Variants in SMARCA1 observed in about 807,000 individuals in gnomAD.
SMARCA1 encodes the protein SWI/SNF-related matrix-associated actin-dependent regulator of chromatin subfamily A member 1.
In SMARCA1, 17 loss-of-function variants were observed where a neutral mutation model predicts 93.6. The observed-to-expected ratio is 0.18, with a 90% CI of 0.12 to 0.27. SMARCA1 has a LOEUF of 0.27. Among genes scored for constraint, SMARCA1 ranks in the 10% least tolerant of loss-of-function variants. SMARCA1 has a pLI of 1.00. For missense variants in SMARCA1, 630 were observed against 819.0 expected (o/e 0.77, Z 2.82); for synonymous variants, 271 against 271.4 (o/e 1.00, Z 0.01).
At chrX:129,516,064 T>C (rs1220526852) in intron 3 of SMARCA1, 70 bp from the exon 4 acceptor site, 4 of 785,482 alleles carry the variant, frequency 5.1e-6, no homozygotes, top group Non-Finnish European at 7.5e-6. Context: ...TCAGTGTACA[T>C]GGCTATTATC....
In SMARCA1 at chrX:129,506,175, G is replaced by A. The variant is rs770129426; in HGVS notation, c.1003C>T (p.Arg335Cys). The change falls in exon 8 of 25, where the codon CGC becomes TGC. Residue 335 changes from arginine to cysteine, a missense_variant. Arg to Cys is a radical substitution (Grantham distance 180, BLOSUM62 -3). This residue lies in a region of SMARCA1 where 382 missense variants were observed against 537.9 expected (regional missense o/e 0.71). Transcript: ENST00000371121. ...AAAGGTGTTCCAGTTAGGAGCAAGCGGTTAGTCGACTTGAACTCACGAACA... is the reference window on the plus strand; with the variant it reads ...AAAGGTGTTCCAGTTAGGAGCAAGCAGTTAGTCGACTTGAACTCACGAACA... ...EIVREFKSTN[R>C]LLLTGTPLQN... The A allele has an allele frequency of 1.8e-5, 21 of 1,192,071 alleles. No individual in the cohort carries two copies. Among genetic ancestry groups the A allele is most frequent in the South Asian group, 1.2e-4 (7 of 56,060 alleles).
intron 23 of SMARCA1, among the ~76,000 whole-genome samples, chrX:129,451,949 C>T (rs1352602238): frequency 9.0e-6 from 1 of 111,668 alleles, no homozygotes; most frequent in Non-Finnish European, 1.9e-5. Flanking sequence ...GTGATCCACC[C>T]ACCTTGGCCT....
intron 7 of SMARCA1, among the ~76,000 whole-genome samples, chrX:129,507,623 G>A (rs911209639): frequency 2.7e-5 from 3 of 112,142 alleles, no homozygotes; most frequent in Admixed American, 1.9e-4. Flanking sequence ...GTGCGATCTC[G>A]GCTCACTGCA....
At chrX:129,508,938 A>G (rs1934923741) in intron 6 of SMARCA1, among the ~76,000 whole-genome samples, 1 of 111,810 alleles carries the variant, frequency 8.9e-6, no homozygotes, top group African/African-American at 3.2e-5. Context: ...CTGTAATGTC[A>G]GCACTTTGGG....
intron 19 of SMARCA1, among the ~76,000 whole-genome samples, chrX:129,477,134 T>TCCA (rs1227889169): frequency 1.8e-5 from 2 of 111,686 alleles, no homozygotes; most frequent in East Asian, 2.8e-4. Flanking sequence ...TGGTTCTCCT[T>TCCA]CCACCACCAC....
chrX:129,471,098 G>A (rs1439264833), intron 20 of SMARCA1, 106 bp downstream of exon 20: 2 of 546,786 alleles, frequency 3.7e-6, no homozygotes, highest in Admixed American at 4.0e-5. Flanking sequence ...AGTTTTGTTG[G>A]TGTGTCACAC....
At chrX:129,498,112 G>C in intron 10 of SMARCA1, 41 bp from the exon 11 acceptor site, 1 of 778,061 alleles carries the variant, frequency 1.3e-6, no homozygotes, top group Non-Finnish European at 2.0e-6. Flanking sequence ...TTACTAGAAA[G>C]TTAATGTCAT....
chrX:129,522,614 GT>G (rs1358981486), intron 1 of SMARCA1, among the ~76,000 whole-genome samples: 15 of 111,043 alleles, frequency 1.4e-4, no homozygotes, highest in African/African-American at 4.3e-4. Flanking sequence ...ACAAGGGATG[GT>G]TTTTTTCCTG....
intron 12 of SMARCA1, among the ~76,000 whole-genome samples, chrX:129,495,562 C>T (rs1934288654): frequency 9.1e-6 from 1 of 110,001 alleles, no homozygotes; most frequent in African/African-American, 3.3e-5. Context: ...TTTGTAGAGA[C>T]CGGGTCTCGC....
rs1935488434 is a variant in SMARCA1, at chrX:129,523,311, A to G, written c.60T>C (p.Thr20=). 1 of 1,204,386 alleles carries G rather than the reference A, an allele frequency of 8.3e-7. No homozygotes were observed. The highest frequency in any genetic ancestry group is 1.1e-6 in the Non-Finnish European group (1 of 893,028). The part of the protein sequence containing the change: ...ATVAAADATA[T]IVVIEDEQPG... ...GCTGCTCGTCCTCTATGACCACGAT[A>G]GTGGCGGTCGCATCCGCGGCTGCCA... The change falls in exon 1 of 25, where the codon ACT becomes ACC. Residue 20 remains threonine, a synonymous_variant. Coordinates refer to ENST00000371121, the MANE Select transcript of SMARCA1 (RefSeq NM_001282874.2).
At chrX:129,460,370 G>A (rs937815791) in intron 23 of SMARCA1, among the ~76,000 whole-genome samples, 8 of 110,090 alleles carry the variant, frequency 7.3e-5, no homozygotes, top group Non-Finnish European at 9.5e-5. Flanking sequence ...ATATTAGGCC[G>A]GGCACGGTGT....
intron 12 of SMARCA1, among the ~76,000 whole-genome samples, chrX:129,495,854 C>T (rs1934305409): frequency 9.5e-6 from 1 of 104,771 alleles, no homozygotes; most frequent in Non-Finnish European, 1.9e-5. Context: ...CTCAATGCAA[C>T]CTCCGCCTCC....
At chrX:129,507,914 A>G in intron 7 of SMARCA1, 27 bp downstream of exon 7, 1 of 982,742 alleles carries the variant, frequency 1.0e-6, no homozygotes, top group Non-Finnish European at 1.4e-6. Context: ...TTAAATGTAA[A>G]CTTTAATAAA....
intron 19 of SMARCA1, among the ~76,000 whole-genome samples, chrX:129,472,638 T>C (rs1933183786): frequency 8.9e-6 from 1 of 111,990 alleles, no homozygotes; most frequent in Non-Finnish European, 1.9e-5. Context: ...GTCTATTATG[T>C]TTGTAGAACT....
chrX:129,488,921 T>G lies in SMARCA1; in HGVS notation c.2097+16A>C. The G allele has an allele frequency of 9.2e-7, 1 of 1,088,269 alleles. No individual in the cohort carries two copies. The highest frequency in any genetic ancestry group is 1.3e-6 in the Non-Finnish European group (1 of 793,413). The allele number at this position is 1,088,269 out of a possible 1,213,427, so 89.7% of individuals were successfully genotyped here. On this transcript the variant is annotated intron_variant, in intron 16 of 24. Coordinates refer to ENST00000371121, the MANE Select transcript of SMARCA1 (RefSeq NM_001282874.2). The stretch of plus-strand genomic sequence containing the variant: ...AAAACAATCCAGCATGAAAATAAAA[T>G]GCTATTTTAACTAACCTTCTTTTCC...
chrX:129,517,418 A>G (rs1935243038), intron 2 of SMARCA1, among the ~76,000 whole-genome samples: 1 of 111,287 alleles, frequency 9.0e-6, no homozygotes, highest in African/African-American at 3.3e-5. Context: ...TGAAGGATGC[A>G]TAATTAATAA....
Position 129,506,113 on chromosome X carries a change from G to A in SMARCA1, c.1065C>T (p.Asn355=), listed in dbSNP as rs1356649980. The stretch of plus-strand genomic sequence containing the variant: ...AATTAAAGACATCAGGCAATAAAAA[G>A]TTGAGTAAGGCCCACAGTTCATGCA... The part of the protein sequence containing the change: ...NNLHELWALL[N]FLLPDVFNSA... The change falls in exon 8 of 25, where the codon AAC becomes AAT. Residue 355 remains asparagine, a synonymous_variant. Transcript: ENST00000371121. 9 of 1,200,024 alleles carry A rather than the reference G, an allele frequency of 7.5e-6. No individual in the cohort carries two copies. Among genetic ancestry groups the A allele is most frequent in the Non-Finnish European group, 7.9e-6 (7 of 885,579 alleles).
intron 2 of SMARCA1, among the ~76,000 whole-genome samples, chrX:129,517,176 T>G (rs1231888161): frequency 9.0e-6 from 1 of 111,441 alleles, no homozygotes; most frequent in Non-Finnish European, 1.9e-5. Context: ...TATGCACATA[T>G]ATGTGAAATA....
intron 7 of SMARCA1, among the ~76,000 whole-genome samples, chrX:129,507,482 CTG>C (rs1351165477): frequency 8.9e-6 from 1 of 112,822 alleles, no homozygotes; most frequent in Admixed American, 9.4e-5. Flanking sequence ...ACATTAAAAA[CTG>C]TGCTCAATTT....
Sources: gnomAD v4.1 joint callset for allele counts (sites outside exome capture counted in the v4.1 genomes callset) on GRCh38, gnomAD v4.1.1 for gene constraint, gnomAD v4.1.1 regional missense constraint, MANE v1.5 for transcripts, NCBI Gene and HGNC (gene_info 2026-07-23, HGNC 2026-07-21) for gene names.